The following TTC27 variants were observed in gnomAD, a reference collection of about 807,000 sequenced individuals.
TTC27 encodes the protein tetratricopeptide repeat protein 27.
TTC27 carries 79 observed loss-of-function variants against 115.9 expected under a neutral mutation model. The ratio of observed to expected loss-of-function variants is 0.68; its 90% CI spans 0.57 to 0.82. The LOEUF is 0.82. TTC27 is among the 40% of genes least tolerant of loss of function. The pLI, the probability that TTC27 is intolerant of heterozygous loss-of-function variation, is 0.00. For synonymous variants in TTC27, 401 were observed against 356.0 expected (o/e 1.13, Z -1.42); for missense variants, 1,054 against 993.1 (o/e 1.06, Z -0.82).
rs1310546571 is a variant in TTC27, at chr2:32,666,760, T to C, written c.931T>C (p.Leu311=). The change falls in exon 7 of 20, where the codon TTA becomes CTA. Residue 311 remains leucine, a synonymous_variant. Coordinates refer to ENST00000317907, the MANE Select transcript of TTC27 (RefSeq NM_017735.5). ...FTPAPTPQEH[L]TKNLELNDDT... is the part of the protein sequence containing the mutation. ...TCCAGCACCCACTCCTCAGGAACAT[T>C]TAACCAAGGCAAGTAGGACATTAAG... 3.7e-6 allele frequency: 6 copies of C among 1,612,280 alleles called. 1 individual carries two copies. In the South Asian group the frequency reaches 6.6e-5, roughly 18 times the overall value.
intron 7 of TTC27, among the ~76,000 whole-genome samples, chr2:32,669,086 A>T (rs1665909771): frequency 1.3e-5 from 2 of 152,142 alleles, no homozygotes; most frequent in Non-Finnish European, 2.9e-5. Flanking sequence ...CTCAAAAAAA[A>T]AAATAAATCA....
intron 13 of TTC27, 140 bp from the exon 14 acceptor site, chr2:32,777,742 T>C: frequency 1.3e-6 from 1 of 761,232 alleles, no homozygotes; most frequent in Non-Finnish European, 2.1e-6. Context: ...ACATTTAAAC[T>C]AAATGTAAGG....
rs997439142 is a variant in TTC27 at position 32,786,863 on chromosome 2, T to C, written c.1833-121T>C. 11 of 891,854 alleles carry C rather than the reference T, an allele frequency of 1.2e-5. No individual in the cohort carries two copies. The East Asian group carries it at 2.7e-4, about 22-fold the overall frequency. The allele number at this position is 891,854 out of a possible 1,614,324, so 55.2% of individuals were successfully genotyped here. On this transcript the variant is annotated intron_variant, in intron 15 of 19. Transcript: ENST00000317907. ...TGTGTTGTCTGGGTCTCTAATTCTG[T>C]TTGTTTATATGAACGAATAAGGACG...
intron 16 of TTC27, among the ~76,000 whole-genome samples, chr2:32,795,539 T>C (rs1480914987): frequency 7.4e-6 from 1 of 135,176 alleles, no homozygotes; most frequent in Non-Finnish European, 1.6e-5. Flanking sequence ...TTCTTATTTA[T>C]TTATTTATTT....
chr2:32,804,250 A>G (rs558535418), intron 16 of TTC27, among the ~76,000 whole-genome samples: 211 of 152,284 alleles, frequency 1.4e-3, no homozygotes, highest in Non-Finnish European at 2.5e-3. Context: ...AGTACTATTC[A>G]TTGGCACCTA....
chr2:32,660,721 C>G (rs1182174316), intron 5 of TTC27, among the ~76,000 whole-genome samples: 2 of 152,170 alleles, frequency 1.3e-5, no homozygotes, highest in Non-Finnish European at 2.9e-5. Context: ...TGTAGGTTGC[C>G]TGTTCACTCT....
intron 9 of TTC27, among the ~76,000 whole-genome samples, chr2:32,686,370 G>C (rs1361241687): frequency 6.6e-6 from 1 of 151,956 alleles, no homozygotes; most frequent in Non-Finnish European, 1.5e-5. Context: ...TTCTGTAGTG[G>C]TTTCTTTTTT....
At chr2:32,771,971 G>C (rs2148007784) in intron 13 of TTC27, among the ~76,000 whole-genome samples, 1 of 152,296 alleles carries the variant, frequency 6.6e-6, no homozygotes, top group Non-Finnish European at 1.5e-5. Context: ...TTGATCATAT[G>C]AGGGAAATTA....
intron 13 of TTC27, among the ~76,000 whole-genome samples, chr2:32,767,748 A>C (rs183567287): frequency 2.6e-5 from 4 of 152,246 alleles, no homozygotes; most frequent in African/African-American, 9.6e-5. Flanking sequence ...GGCGTGAGCC[A>C]CCGCGCCCGG....
In TTC27 at chr2:32,736,741, C is replaced by T. The variant is rs201680224; in HGVS notation, c.1377C>T (p.Ala459=). 9 of 1,613,838 alleles carry T rather than the reference C, an allele frequency of 5.6e-6. No homozygotes were observed. The African/African-American group carries it at 1.1e-4, about 19-fold the overall frequency. ...TTGAGTTGGGATGTACCAGTTCAGC[C>T]CTTCAGATATTTGAAAAGCTAGAAA... ...LLFELGCTSS[A]LQIFEKLEMW... The change falls in exon 12 of 20, where the codon GCC becomes GCT. Residue 459 remains alanine (A), a synonymous_variant. Transcript: ENST00000317907.
chr2:32,636,132 T>G (rs538707893), intron 3 of TTC27, among the ~76,000 whole-genome samples: 7 of 152,316 alleles, frequency 4.6e-5, no homozygotes, highest in Middle Eastern at 3.4e-3. Flanking sequence ...CCCTATAGTA[T>G]AGATTAGAAA....
At position 32,738,003 on chromosome 2, in the gene TTC27, G is replaced by A. The variant is rs187825381; in HGVS notation, c.1452+1187G>A. ...CGCACTGCAGCCTAGACGACACAGT[G>A]AGACCCTATCTCAAAAAAATATTGA... On this transcript the variant is annotated intron_variant, in intron 12 of 19. Transcript: ENST00000317907. 3.9e-5 allele frequency among the ~76,000 whole-genome samples: 6 copies of A among 152,196 alleles called. No homozygotes were observed. The East Asian group carries it at 1.2e-3, about 29-fold the overall frequency.
intron 3 of TTC27, among the ~76,000 whole-genome samples, chr2:32,637,734 A>G (rs1345286322): frequency 6.6e-6 from 1 of 152,170 alleles, no homozygotes; most frequent in Non-Finnish European, 1.5e-5. Context: ...AATTTACAAC[A>G]TGATCCGATG....
At chr2:32,640,500 G>C in intron 4 of TTC27, 90 bp downstream of exon 4, 1 of 1,360,748 alleles carries the variant, frequency 7.3e-7, no homozygotes. Context: ...CAATGTCTTG[G>C]TCTATTTTGT....
Position 32,692,036 on chromosome 2 carries a change from G to GTTTTTTTTTTTTTTTTTTTT in TTC27, c.1120-10764_1120-10745dup, listed in dbSNP as rs779547700. On this transcript the variant is annotated intron_variant, in intron 9 of 19. Coordinates refer to ENST00000317907, the MANE Select transcript of TTC27 (RefSeq NM_017735.5). Reference sequence around the variant, plus strand: ...GGGATATTCTTTTTTAATTTTTTAGGTTTTTTTTTTTTTTTTTTTTTTTTT... The same window carrying GTTTTTTTTTTTTTTTTTTTT: ...GGGATATTCTTTTTTAATTTTTTAGGTTTTTTTTTTTTTTTTTTTTTTTTTTTTTTTTTTTTTTTTTTTTT... Among the ~76,000 whole-genome samples the GTTTTTTTTTTTTTTTTTTTT allele has an allele frequency of 3.0e-3, 186 of 61,208 alleles. 37 individuals are homozygous for GTTTTTTTTTTTTTTTTTTTT. Among genetic ancestry groups the GTTTTTTTTTTTTTTTTTTTT allele is most frequent in the Non-Finnish European group, 4.1e-3 (141 of 34,580 alleles). 40.2% of individuals were successfully genotyped at this position (61,208 alleles called of 152,430 possible). A position where few individuals can be genotyped will look rare whatever the true frequency, so the allele number is the denominator to read the frequency against.
chr2:32,642,247 A>ATTTT (rs10634857), intron 4 of TTC27, among the ~76,000 whole-genome samples: 1,161 of 102,028 alleles, frequency 0.011, 4 homozygotes, highest in Middle Eastern at 0.015. Context: ...TATACACTAA[A>ATTTT]TTTTTTTTTT....
At chr2:32,811,858 G>C (rs973805196) in intron 17 of TTC27, among the ~76,000 whole-genome samples, 3 of 152,134 alleles carry the variant, frequency 2.0e-5, no homozygotes, top group Non-Finnish European at 4.4e-5. Context: ...TGTACTCCTT[G>C]CGTGGGTTTG....
intron 3 of TTC27, among the ~76,000 whole-genome samples, chr2:32,634,950 C>G (rs1365036874): frequency 6.6e-6 from 1 of 152,182 alleles, no homozygotes; most frequent in South Asian, 2.1e-4. Context: ...AGCCACCATT[C>G]CCGGCTTGCA....
At chr2:32,786,953 AT>A in intron 15 of TTC27, 30 bp from the exon 16 acceptor site, 1 of 1,575,398 alleles carries the variant, frequency 6.3e-7, no homozygotes, top group Non-Finnish European at 8.6e-7. Context: ...AGAGTTCATT[AT>A]TGCTCTCTTT....
Sources: gnomAD v4.1 joint callset for allele counts (sites outside exome capture counted in the v4.1 genomes callset) on GRCh38, gnomAD v4.1.1 for gene constraint, MANE v1.5 for transcripts, NCBI Gene and HGNC (gene_info 2026-07-23, HGNC 2026-07-21) for gene names.